Variants in CTNNA2 observed in about 807,000 individuals in gnomAD.
The protein encoded by CTNNA2 is catenin alpha-2.
In CTNNA2, 42 loss-of-function variants were observed where a neutral mutation model predicts 101.0. That is an observed-to-expected ratio of 0.42 (90% CI 0.32 to 0.54). CTNNA2 has a LOEUF of 0.54. CTNNA2 is among the 20% of genes least tolerant of loss of function. The pLI, the probability that CTNNA2 is intolerant of heterozygous loss-of-function variation, is 0.14. For missense variants in CTNNA2, 871 were observed against 1,223.1 expected (o/e 0.71, Z 4.29); for synonymous variants, 450 against 456.4 (o/e 0.99, Z 0.18).
intron 7 of CTNNA2, among the ~76,000 whole-genome samples, chr2:80,343,084 G>T (rs551409136): frequency 3.4e-4 from 52 of 152,188 alleles, no homozygotes; most frequent in African/African-American, 1.0e-3. Flanking sequence ...AGTTACATTG[G>T]GTTAGGGCAT....
intron 7 of CTNNA2, among the ~76,000 whole-genome samples, chr2:79,997,629 G>A (rs4852547): frequency 0.52 from 79,658 of 151,854 alleles, 21,136 homozygotes; most frequent in East Asian, 0.83. Flanking sequence ...CCCTCTCTGC[G>A]TATACAACTC....
At chr2:79,914,554 A>C (rs1335644362) in intron 7 of CTNNA2, among the ~76,000 whole-genome samples, 1 of 152,146 alleles carries the variant, frequency 6.6e-6, no homozygotes, top group Admixed American at 6.5e-5. Context: ...ACCTGTTTCA[A>C]TTTTATATGC....
intron 3 of CTNNA2, among the ~76,000 whole-genome samples, chr2:79,856,166 G>T (rs1488129648): frequency 6.6e-6 from 1 of 152,172 alleles, no homozygotes; most frequent in African/African-American, 2.4e-5. Flanking sequence ...GGCTAAGCTG[G>T]TTAGCAATAT....
chr2:80,473,460 T>C (rs1290983928), intron 9 of CTNNA2, among the ~76,000 whole-genome samples: 1 of 152,224 alleles, frequency 6.6e-6, no homozygotes, highest in East Asian at 1.9e-4. Flanking sequence ...TCATTACCTA[T>C]ATATTCTAAT....
intron 4 of CTNNA2, among the ~76,000 whole-genome samples, chr2:79,375,521 G>A (rs766818609): frequency 8.6e-5 from 13 of 151,972 alleles, no homozygotes; most frequent in Non-Finnish European, 1.6e-4. Context: ...ATACAGTGTC[G>A]ACTCTAGGCC....
At chr2:80,529,052 A>G (rs542569329) in intron 9 of CTNNA2, among the ~76,000 whole-genome samples, 1 of 152,194 alleles carries the variant, frequency 6.6e-6, no homozygotes, top group Non-Finnish European at 1.5e-5. Context: ...GGCTTCCTTG[A>G]TCAGTGGCAA....
At chr2:79,191,614 T>C (rs988597675) in intron 1 of CTNNA2, among the ~76,000 whole-genome samples, 2 of 152,202 alleles carry the variant, frequency 1.3e-5, no homozygotes, top group African/African-American at 4.8e-5. Flanking sequence ...GAACTTTACT[T>C]CTTATGAAGG....
At chr2:80,574,600 A>G (rs928662224) in intron 13 of CTNNA2, among the ~76,000 whole-genome samples, 6 of 152,078 alleles carry the variant, frequency 3.9e-5, no homozygotes, top group African/African-American at 1.4e-4. Context: ...GCTATTTTCC[A>G]TTTGTATCTC....
chr2:79,981,542 A>G (rs1169521735), intron 7 of CTNNA2, among the ~76,000 whole-genome samples: 7 of 152,176 alleles, frequency 4.6e-5, no homozygotes, highest in African/African-American at 1.7e-4. Context: ...GTAACTCGCT[A>G]ACAGAGTCTG....
At chr2:79,382,036 A>G (rs1471126229) in intron 4 of CTNNA2, among the ~76,000 whole-genome samples, 2 of 152,178 alleles carry the variant, frequency 1.3e-5, no homozygotes, top group Non-Finnish European at 2.9e-5. Context: ...TATCATTTGA[A>G]TGAGTAGACT....
At chr2:80,118,841 A>G (rs1466967357) in intron 7 of CTNNA2, among the ~76,000 whole-genome samples, 2 of 152,248 alleles carry the variant, frequency 1.3e-5, no homozygotes, top group African/African-American at 2.4e-5. Context: ...AGAAGAGCCT[A>G]TCCAGGCCTG....
intron 2 of CTNNA2, among the ~76,000 whole-genome samples, chr2:79,220,113 G>A (rs143731374): frequency 1.6e-4 from 24 of 152,030 alleles, no homozygotes; most frequent in African/African-American, 5.3e-4. Context: ...CTTAATCAGC[G>A]CTTCCCCCAA....
intron 7 of CTNNA2, chr2:80,298,981 T>A (rs887618981): frequency 1.3e-5 from 2 of 152,102 alleles, no homozygotes; most frequent in African/African-American, 4.8e-5. Context: ...GGTGTGAGAG[T>A]GTCATTTGTC....
chr2:79,461,089 G>A (rs111909151), intron 4 of CTNNA2, among the ~76,000 whole-genome samples: 2,703 of 152,212 alleles, frequency 0.018, 74 homozygotes, highest in African/African-American at 0.061. Context: ...TGATCCCCCC[G>A]CCTCAGCCTC....
intron 6 of CTNNA2, among the ~76,000 whole-genome samples, chr2:79,884,896 G>C (rs1461152822): frequency 1.3e-5 from 2 of 152,010 alleles, no homozygotes; most frequent in Non-Finnish European, 2.9e-5. Context: ...TCCCTGGCTG[G>C]CAAGAATTGT....
At chr2:79,853,176 T>C (rs1279553573) in intron 3 of CTNNA2, among the ~76,000 whole-genome samples, 7 of 146,204 alleles carry the variant, frequency 4.8e-5, no homozygotes, top group South Asian at 4.2e-4. Flanking sequence ...TTTTGTTTTT[T>C]TGAGACAGGT....
chr2:79,786,386 C>T (rs937441630), intron 3 of CTNNA2, among the ~76,000 whole-genome samples: 1 of 151,938 alleles, frequency 6.6e-6, no homozygotes. Flanking sequence ...TATGCATGTA[C>T]TATAAAATGT....
rs550825644 is a variant in CTNNA2, at chr2:79,810,989, C to T, written c.299-47024C>T. 5.8e-3 allele frequency among the ~76,000 whole-genome samples: 873 copies of T among 151,084 alleles called. 6 individuals carry two copies. Among genetic ancestry groups the T allele is most frequent in the African/African-American group, 0.02 (798 of 40,896 alleles). ...TGTGAATAGTGCCGCAATAAACATA[C>T]GTGTGCATGTGTCTTTATAGCAGCA... is the stretch of plus-strand genomic sequence containing the variant. On this transcript the variant is annotated intron_variant, in intron 3 of 18. Transcript: ENST00000402739.
intron 7 of CTNNA2, among the ~76,000 whole-genome samples, chr2:80,167,397 C>A (rs115366994): frequency 0.011 from 1,693 of 152,162 alleles, 35 homozygotes; most frequent in African/African-American, 0.037. Flanking sequence ...TTAGCTTTAT[C>A]CCTTTGGTGC....
Sources: allele counts gnomAD v4.1 joint callset (sites outside exome capture counted in the v4.1 genomes callset), GRCh38; gene constraint gnomAD v4.1.1; transcripts MANE v1.5; gene names NCBI Gene and HGNC (gene_info 2026-07-23, HGNC 2026-07-21).